Variants in KCTD16 observed in about 807,000 individuals in gnomAD.
KCTD16 encodes the protein BTB/POZ domain-containing protein KCTD16.
KCTD16 carries 13 observed loss-of-function variants against 33.2 expected under a neutral mutation model. That is an observed-to-expected ratio of 0.39 (90% CI 0.25 to 0.62). The LOEUF (loss-of-function observed/expected upper bound fraction) is 0.62. Ranked by LOEUF, KCTD16 falls within the 20% of genes least tolerant of loss-of-function variation. KCTD16 has a pLI of 0.50. For missense variants in KCTD16, 441 were observed against 525.1 expected, an observed-to-expected ratio of 0.84 and a Z score of 1.57; for synonymous variants, 197 against 195.3, an observed-to-expected ratio of 1.01 and a Z score of -0.07.
chr5:144,399,413 C>T (rs1206817388), intron 3 of KCTD16, among the ~76,000 whole-genome samples: 3 of 151,970 alleles, frequency 2.0e-5, no homozygotes. Context: ...AGGCTTCTTT[C>T]AGCTTTGTAA....
intron 3 of KCTD16, among the ~76,000 whole-genome samples, chr5:144,261,111 G>T (rs1754994933): frequency 6.9e-6 from 1 of 145,440 alleles, no homozygotes; most frequent in Non-Finnish European, 1.5e-5. Context: ...ACTGATACAG[G>T]CTAAAAATGA....
chr5:144,297,786 G>A (rs778586686), intron 3 of KCTD16, among the ~76,000 whole-genome samples: 1 of 152,162 alleles, frequency 6.6e-6, no homozygotes, highest in East Asian at 1.9e-4. Context: ...AGAGCACAGC[G>A]GGAGGGACAA....
intron 3 of KCTD16, among the ~76,000 whole-genome samples, chr5:144,373,897 G>C (rs1315994713): frequency 6.6e-6 from 1 of 152,186 alleles, no homozygotes; most frequent in Non-Finnish European, 1.5e-5. Flanking sequence ...AGCCACAGGC[G>C]TCATGGCTTA....
intron 3 of KCTD16, among the ~76,000 whole-genome samples, chr5:144,243,260 G>A (rs1004601435): frequency 6.6e-6 from 1 of 152,148 alleles, no homozygotes; most frequent in Non-Finnish European, 1.5e-5. Flanking sequence ...GATAGTGGCT[G>A]TCATGTTTCT....
intron 3 of KCTD16, among the ~76,000 whole-genome samples, chr5:144,301,069 C>T (rs746584051): frequency 4.6e-5 from 7 of 151,926 alleles, no homozygotes; most frequent in East Asian, 1.9e-4. Flanking sequence ...GGTGAAACCC[C>T]GTCTCTACTA....
intron 3 of KCTD16, among the ~76,000 whole-genome samples, chr5:144,305,825 TAAAAATA>T (rs1321171033): frequency 4.0e-4 from 61 of 151,636 alleles, no homozygotes; most frequent in African/African-American, 1.4e-3. Context: ...AAAATAAAAA[TAAAAATA>T]AAAAATAAAT....
chr5:144,172,391 G>T (rs1159103923), intron 1 of KCTD16, among the ~76,000 whole-genome samples: 1 of 152,200 alleles, frequency 6.6e-6, no homozygotes, highest in African/African-American at 2.4e-5. Flanking sequence ...TGTCGCCTCA[G>T]ACATTTGTCA....
chr5:144,460,702 A>T (rs1393122530), intron 3 of KCTD16, among the ~76,000 whole-genome samples: 1 of 152,064 alleles, frequency 6.6e-6, no homozygotes, highest in Non-Finnish European at 1.5e-5. Flanking sequence ...GCCTCCCAAA[A>T]TCTTGGGATT....
chr5:144,256,815 G>A (rs995967520), intron 3 of KCTD16, among the ~76,000 whole-genome samples: 2 of 136,084 alleles, frequency 1.5e-5, no homozygotes, highest in Non-Finnish European at 3.0e-5. Context: ...TAATTTTTTT[G>A]CAGATTTCAA....
chr5:144,351,487 A>G (rs1379612474), intron 3 of KCTD16, among the ~76,000 whole-genome samples: 3 of 152,190 alleles, frequency 2.0e-5, no homozygotes, highest in Non-Finnish European at 4.4e-5. Context: ...GGAAAAGAAT[A>G]TGGAGGTTCC....
chr5:144,371,762 A>C (rs180876443), intron 3 of KCTD16, among the ~76,000 whole-genome samples: 1 of 152,068 alleles, frequency 6.6e-6, no homozygotes, highest in East Asian at 1.9e-4. Flanking sequence ...TAGATCTAAG[A>C]AATACTTGAT....
chr5:144,177,171 C>T (rs937166801), intron 2 of KCTD16, among the ~76,000 whole-genome samples: 2 of 152,092 alleles, frequency 1.3e-5, no homozygotes, highest in Non-Finnish European at 2.9e-5. Flanking sequence ...AGAAGAATTC[C>T]TCACAACTCT....
intron 3 of KCTD16, among the ~76,000 whole-genome samples, chr5:144,316,133 C>T (rs1383864501): frequency 1.3e-5 from 2 of 152,032 alleles, no homozygotes; most frequent in African/African-American, 4.8e-5. Context: ...CAACAGGTAC[C>T]AAACTAGCTT....
At chr5:144,261,298 C>A (rs1364658159) in intron 3 of KCTD16, among the ~76,000 whole-genome samples, 2 of 151,600 alleles carry the variant, frequency 1.3e-5, no homozygotes, top group African/African-American at 4.9e-5. Context: ...AAAATAATTA[C>A]CAGATTAGTA....
intron 3 of KCTD16, among the ~76,000 whole-genome samples, chr5:144,227,828 TG>T (rs1753980988): frequency 1.3e-5 from 2 of 152,200 alleles, no homozygotes; most frequent in Admixed American, 6.5e-5. Flanking sequence ...GCTGATGGCA[TG>T]GGTGTGTTGT....
intron 3 of KCTD16, among the ~76,000 whole-genome samples, chr5:144,374,898 G>A (rs1295258842): frequency 1.3e-5 from 2 of 152,128 alleles, no homozygotes; most frequent in Admixed American, 6.5e-5. Context: ...CTTCTACTCA[G>A]CAAAAAGTAG....
At chr5:144,332,266 A>G (rs766966124) in intron 3 of KCTD16, among the ~76,000 whole-genome samples, 6 of 152,204 alleles carry the variant, frequency 3.9e-5, no homozygotes, top group Non-Finnish European at 8.8e-5. Context: ...CTGAACCTAA[A>G]TAGAAGGGAA....
chr5:144,472,698 C>G (rs993556104), intron 3 of KCTD16, among the ~76,000 whole-genome samples: 1 of 152,100 alleles, frequency 6.6e-6, no homozygotes, highest in Admixed American at 6.6e-5. Flanking sequence ...TACTAAGGAG[C>G]TCATGGCCTA....
At chr5:144,434,544 T>C (rs1488401174) in intron 3 of KCTD16, among the ~76,000 whole-genome samples, 1 of 152,108 alleles carries the variant, frequency 6.6e-6, no homozygotes, top group African/African-American at 2.4e-5. Context: ...ATCTCATTTA[T>C]TAATAGTTAC....
Sources: gnomAD v4.1 joint callset for allele counts (sites outside exome capture counted in the v4.1 genomes callset) on GRCh38, gnomAD v4.1.1 for gene constraint, MANE v1.5 for transcripts, NCBI Gene and HGNC (gene_info 2026-07-23, HGNC 2026-07-21) for gene names.